The following MKLN1 variants were observed in gnomAD, a reference collection of about 807,000 sequenced individuals.
MKLN1 encodes muskelin 1, also known as muskelin.
In MKLN1, 18 loss-of-function variants were observed where a neutral mutation model predicts 99.0. The observed-to-expected ratio is 0.18, with a 90% CI of 0.13 to 0.27. MKLN1 has a LOEUF of 0.27. MKLN1 is among the 10% of genes least tolerant of loss of function. The pLI, the probability that MKLN1 is intolerant of heterozygous loss-of-function variation, is 1.00. For synonymous variants in MKLN1, 288 were observed against 293.2 expected (o/e 0.98, Z 0.18); for missense variants, 621 against 875.9 (o/e 0.71, Z 3.67).
chr7:131,360,108 A>G (rs1360259524), intron 1 of MKLN1, among the ~76,000 whole-genome samples: 1 of 152,086 alleles, frequency 6.6e-6, no homozygotes, highest in Non-Finnish European at 1.5e-5. Context: ...GTCTGATATT[A>G]ATTAATATAG....
intron 2 of MKLN1, among the ~76,000 whole-genome samples, chr7:131,195,382 G>C (rs148725719): frequency 6.6e-6 from 1 of 151,878 alleles, no homozygotes; most frequent in Non-Finnish European, 1.5e-5. Flanking sequence ...ATGGTGGCAC[G>C]TGCCTGTAAT....
At chr7:131,114,515 CT>C (rs1795245616) in intron 1 of MKLN1, among the ~76,000 whole-genome samples, 1 of 152,060 alleles carries the variant, frequency 6.6e-6, no homozygotes, top group Admixed American at 6.6e-5. Context: ...TATGAAAACC[CT>C]GATATTTAAA....
At chr7:131,271,423 C>A (rs1797882259) in intron 3 of MKLN1, among the ~76,000 whole-genome samples, 1 of 148,458 alleles carries the variant, frequency 6.7e-6, no homozygotes, top group South Asian at 2.1e-4. Context: ...TCGAGACCAT[C>A]CTCGCTAACA....
At chr7:131,348,119 T>A (rs1799616345) in intron 1 of MKLN1, among the ~76,000 whole-genome samples, 1 of 152,210 alleles carries the variant, frequency 6.6e-6, no homozygotes, top group Non-Finnish European at 1.5e-5. Context: ...ATGTTCCATA[T>A]ATTATTTTAA....
intron 3 of MKLN1, among the ~76,000 whole-genome samples, chr7:131,252,464 G>T (rs1002784709): frequency 6.6e-6 from 1 of 151,512 alleles, no homozygotes. Flanking sequence ...GAGTAGCTGG[G>T]ACTACAGGTG....
intron 1 of MKLN1, among the ~76,000 whole-genome samples, chr7:131,367,632 A>G (rs1350863966): frequency 1.3e-5 from 2 of 152,026 alleles, no homozygotes; most frequent in Non-Finnish European, 2.9e-5. Flanking sequence ...CATCTGCTTC[A>G]TTTTTATTAT....
At chr7:131,391,154 A>G (rs1794188046) in intron 4 of MKLN1, among the ~76,000 whole-genome samples, 1 of 152,120 alleles carries the variant, frequency 6.6e-6, no homozygotes, top group Admixed American at 6.6e-5. Flanking sequence ...ATTTTCTTCA[A>G]AAGTTATTCC....
chr7:131,269,592 AT>A (rs1384135216), intron 3 of MKLN1, among the ~76,000 whole-genome samples: 1 of 152,202 alleles, frequency 6.6e-6, no homozygotes, highest in African/African-American at 2.4e-5. Context: ...TTCATAAAAT[AT>A]TTTTAAATGT....
Position 131,491,343 on chromosome 7 carries a change from C to T in MKLN1, c.*3615C>T, listed in dbSNP as rs532090054. The T allele has an allele frequency of 2.6e-5, 4 of 152,078 alleles. No individual in the cohort carries two copies. The highest frequency in any genetic ancestry group is 4.4e-5 in the Non-Finnish European group (3 of 67,996). The allele number at this position is 152,078 out of a possible 1,614,324, so 9.4% of individuals were successfully genotyped here. ...AAGTTTTGAATTCCTAAGGTAGCCC[C>T]GATCTAGGATGTGAAGGCTGCCCAG... On this transcript the variant is annotated 3_prime_UTR_variant, in exon 18 of 18. Transcript: ENST00000352689.
Position 131,490,705 on chromosome 7 carries a change from GA to G in MKLN1, c.*2981del, listed in dbSNP as rs984990448. ...ATTAAAAAGTCACTGGTTTATCATA[GA>G]AAAGTTTGATGGGTTTAGAGCTCAG... On this transcript the variant is annotated 3_prime_UTR_variant, in exon 18 of 18. Coordinates refer to ENST00000352689, the MANE Select transcript of MKLN1 (RefSeq NM_013255.5). The G allele has an allele frequency of 1.0e-4, 16 of 152,678 alleles. No individual in the cohort carries two copies. Among genetic ancestry groups the G allele is most frequent in the African/African-American group, 3.6e-4 (15 of 41,554 alleles). 9.5% of individuals were successfully genotyped at this position (152,678 alleles called of 1,614,324 possible).
chr7:131,272,730 G>T (rs1210137025), intron 3 of MKLN1, among the ~76,000 whole-genome samples: 2 of 152,146 alleles, frequency 1.3e-5, no homozygotes, highest in Non-Finnish European at 2.9e-5. Context: ...GGTAGCAAGA[G>T]AAAAATGAGG....
rs1182436644 is a variant in MKLN1, at chr7:131,127,176, A to AG, written c.-418-15644_-418-15643insG. ...GCAAAACTCCATCTCAAAAAAAAAA[A>AG]AAAAAAGAAAGAAAAGAATAGAAGA... is the stretch of plus-strand genomic sequence containing the variant. On this transcript the variant is annotated intron_variant, in intron 1 of 7. Coordinates refer to the MKLN1 transcript ENST00000416992. Among the ~76,000 whole-genome samples the AG allele has an allele frequency of 6.8e-3, 853 of 124,946 alleles. 2 individuals are homozygous for AG. The highest frequency in any genetic ancestry group is 0.01 in the Non-Finnish European group (584 of 57,976). The allele number at this position is 124,946 out of a possible 152,430, so 82.0% of individuals were successfully genotyped here.
intron 1 of MKLN1, among the ~76,000 whole-genome samples, chr7:131,330,728 T>G (rs1451266796): frequency 6.6e-6 from 1 of 152,192 alleles, no homozygotes; most frequent in Non-Finnish European, 1.5e-5. Flanking sequence ...TAAAAAAAAT[T>G]GAACAATTTT....
chr7:131,368,441 C>T (rs1192014109), intron 1 of MKLN1, among the ~76,000 whole-genome samples: 1 of 152,156 alleles, frequency 6.6e-6, no homozygotes, highest in African/African-American at 2.4e-5. Context: ...GTTTAACTGA[C>T]TCACAGGTCT....
chr7:131,160,492 A>T (rs7455625), intron 2 of MKLN1, among the ~76,000 whole-genome samples: 1,390 of 138,984 alleles, frequency 0.01, 10 homozygotes, highest in Middle Eastern at 0.044. Context: ...TATTATTATT[A>T]ATTATTATTA....
chr7:131,241,240 T>C (rs572023036), intron 3 of MKLN1, among the ~76,000 whole-genome samples: 1 of 151,944 alleles, frequency 6.6e-6, no homozygotes, highest in South Asian at 2.1e-4. Flanking sequence ...TAGCCAGGCA[T>C]GGTGGCACAT....
chr7:131,175,483 G>T (rs1382301775), intron 2 of MKLN1, among the ~76,000 whole-genome samples: 4 of 152,166 alleles, frequency 2.6e-5, no homozygotes, highest in Non-Finnish European at 4.4e-5. Flanking sequence ...GTGAAGAATT[G>T]ATACCCTAAA....
At chr7:131,224,136 CA>C (rs1797101644) in intron 3 of MKLN1, among the ~76,000 whole-genome samples, 1 of 152,236 alleles carries the variant, frequency 6.6e-6, no homozygotes, top group Non-Finnish European at 1.5e-5. Context: ...TGTGGAGGCT[CA>C]AACCTGTAAT....
intron 6 of MKLN1, among the ~76,000 whole-genome samples, chr7:131,403,569 T>C (rs898573182): frequency 1.3e-5 from 2 of 152,222 alleles, no homozygotes; most frequent in African/African-American, 4.8e-5. Flanking sequence ...CATGCCTTCC[T>C]CCCTAAGTTT....
Sources: allele counts gnomAD v4.1 joint callset (sites outside exome capture counted in the v4.1 genomes callset), GRCh38; gene constraint gnomAD v4.1.1; transcripts MANE v1.5; gene names NCBI Gene and HGNC (gene_info 2026-07-23, HGNC 2026-07-21).